The following NMT2 variants were observed in gnomAD, a reference collection of about 807,000 sequenced individuals.
NMT2 encodes the protein N-myristoyltransferase 2, also known as glycylpeptide N-tetradecanoyltransferase 2.
NMT2 carries 35 observed loss-of-function variants against 65.4 expected under a neutral mutation model. The ratio of observed to expected loss-of-function variants is 0.54; its 90% CI spans 0.41 to 0.71. The LOEUF (loss-of-function observed/expected upper bound fraction) is 0.71, where lower values mean the gene tolerates loss of function less well. Among genes scored for constraint, NMT2 ranks in the 30% least tolerant of loss-of-function variants. The pLI is 0.00. For missense variants in NMT2, 489 were observed against 611.3 expected (o/e 0.80, Z 2.11); for synonymous variants, 226 against 231.8 (o/e 0.98, Z 0.23).
chr10:15,149,017 C>G (rs1294033966), intron 1 of NMT2, among the ~76,000 whole-genome samples: 1 of 152,086 alleles, frequency 6.6e-6, no homozygotes, highest in Non-Finnish European at 1.5e-5. Flanking sequence ...CTGAAACAAC[C>G]ACTTTGTAAA....
chr10:15,133,404 G>T, intron 3 of NMT2, 41 bp from the exon 4 acceptor site: 1 of 1,454,206 alleles, frequency 6.9e-7, no homozygotes, highest in Non-Finnish European at 9.7e-7. Flanking sequence ...GGCAAAAAGC[G>T]AGAATATTAA....
At chr10:15,168,464 C>A in intron 1 of NMT2, 39 bp downstream of exon 1, 1 of 1,501,880 alleles carries the variant, frequency 6.7e-7, no homozygotes, top group Non-Finnish European at 9.1e-7. Flanking sequence ...GCGCGGTCCC[C>A]GCCCTGTCGC....
chr10:15,165,000 T>C (rs973676661), intron 1 of NMT2, among the ~76,000 whole-genome samples: 3 of 151,996 alleles, frequency 2.0e-5, no homozygotes, highest in Non-Finnish European at 2.9e-5. Flanking sequence ...CCTGTCTCTA[T>C]TAAAAATACA....
chr10:15,154,932 C>T lies in NMT2; in HGVS notation c.111-13375G>A, dbSNP rs546341278. On this transcript the variant is annotated intron_variant, in intron 1 of 11. Transcript: ENST00000378165. Reference sequence around the variant, plus strand: ...AGAGACCACATGCTTGCCATCCAACCACTCGGTCTTGGCAGTGCAGATGAA... The same window carrying T: ...AGAGACCACATGCTTGCCATCCAACTACTCGGTCTTGGCAGTGCAGATGAA... The T allele has an allele frequency of 4.9e-6, 5 of 1,013,174 alleles. No individual in the cohort carries two copies. The South Asian group carries it at 5.0e-5, about 10-fold the overall frequency. 62.8% of individuals were successfully genotyped at this position (1,013,174 alleles called of 1,614,324 possible).
At chr10:15,114,810 C>T (rs367598469) in intron 9 of NMT2, among the ~76,000 whole-genome samples, 39 of 152,260 alleles carry the variant, frequency 2.6e-4, no homozygotes, top group African/African-American at 9.4e-4. Flanking sequence ...CGAGACCAGC[C>T]TGGCCAACGT....
In NMT2 at chr10:15,108,332, A is replaced by G. The variant is rs1044495833; in HGVS notation, c.*863T>C. The G allele has an allele frequency of 2.7e-5, 13 of 474,826 alleles. No homozygotes were observed. Among genetic ancestry groups the G allele is most frequent in the South Asian group, 9.0e-5 (1 of 11,136 alleles). The allele number at this position is 474,826 out of a possible 1,614,324, so 29.4% of individuals were successfully genotyped here. On this transcript the variant is annotated 3_prime_UTR_variant, in exon 12 of 12. Coordinates refer to ENST00000378165, the MANE Select transcript of NMT2 (RefSeq NM_004808.3). Reference sequence around the variant, plus strand: ...CTCCCAAGCAGCTGGGACTACAGGCACACGCCACCACGCCCGGCTAATTTT... The same window carrying G: ...CTCCCAAGCAGCTGGGACTACAGGCGCACGCCACCACGCCCGGCTAATTTT...
chr10:15,112,354 G>A (rs1381586827), intron 10 of NMT2, among the ~76,000 whole-genome samples: 18 of 144,766 alleles, frequency 1.2e-4, no homozygotes, highest in Non-Finnish European at 2.1e-4. Context: ...TCAGCCTCCC[G>A]AGTAGCTGGG....
intron 1 of NMT2, among the ~76,000 whole-genome samples, chr10:15,149,604 T>TCACCAA (rs1832732323): frequency 6.9e-6 from 1 of 144,136 alleles, no homozygotes; most frequent in Non-Finnish European, 1.5e-5. Flanking sequence ...ACCATCACCA[T>TCACCAA]CATAATCATC....
intron 6 of NMT2, among the ~76,000 whole-genome samples, chr10:15,131,796 G>A (rs1846295185): frequency 6.6e-6 from 1 of 152,090 alleles, no homozygotes; most frequent in Admixed American, 6.5e-5. Flanking sequence ...GACTTTCCGG[G>A]CTGGAGATCC....
intron 1 of NMT2, among the ~76,000 whole-genome samples, chr10:15,160,534 G>A (rs11259522): frequency 0.03 from 4,537 of 152,218 alleles, 99 homozygotes; most frequent in Non-Finnish European, 0.044. Flanking sequence ...CAGCACTTTG[G>A]GAGGCTGAGG....
At position 15,131,287 on chromosome 10, in the gene NMT2, A is replaced by G. The variant is rs190968260; in HGVS notation, c.720-975T>C. 2.7e-3 allele frequency among the ~76,000 whole-genome samples: 406 copies of G among 150,420 alleles called. 1 individual carries two copies. The highest frequency in any genetic ancestry group is 8.2e-3 in the African/African-American group (337 of 41,100). ...ACGTTTTCAGTTTAGAAAATGGATC[A>G]GCTATGGCTCTTTACGTTTCTTTCC... On this transcript the variant is annotated intron_variant, in intron 6 of 11. Transcript: ENST00000378165.
chr10:15,111,344 C>G lies in NMT2; in HGVS notation c.1338+1452G>C, dbSNP rs1845508015. ...GGGTCAATATGATGAAACCCTGTCT[C>G]TACTAAAAATACAAAAATTAGCCAG... On this transcript the variant is annotated intron_variant, in intron 10 of 11. Transcript: ENST00000378165. 2.6e-5 allele frequency among the ~76,000 whole-genome samples: 4 copies of G among 151,258 alleles called. No individual in the cohort carries two copies. The South Asian group carries it at 8.4e-4, about 32-fold the overall frequency.
At chr10:15,143,171 T>C (rs533342733) in intron 1 of NMT2, among the ~76,000 whole-genome samples, 16 of 152,302 alleles carry the variant, frequency 1.1e-4, no homozygotes, top group African/African-American at 2.9e-4. Flanking sequence ...AAAGCTACCA[T>C]TGTTTCAACC....
intron 1 of NMT2, among the ~76,000 whole-genome samples, chr10:15,146,210 G>A (rs1470485548): frequency 6.6e-6 from 1 of 152,194 alleles, no homozygotes; most frequent in African/African-American, 2.4e-5. Context: ...GAGAGAATCA[G>A]TGGCACATTC....
intron 2 of NMT2, chr10:15,141,023 T>C: frequency 6.4e-7 from 1 of 1,550,842 alleles, no homozygotes; most frequent in Non-Finnish European, 8.7e-7. Context: ...TGCCAGATGG[T>C]GTTGTGCTAT....
rs768580307 is a variant in NMT2, at chr10:15,112,874, G to A, written c.1260C>T (p.Ala420=). Residue 420 remains alanine, a synonymous_variant, in exon 10 of 12, where the codon GCC becomes GCT. Coordinates refer to ENST00000378165, the MANE Select transcript of NMT2 (RefSeq NM_004808.3). ...MHHPAHKSLK[A]AYSFYNIHTE... is the part of the protein sequence containing the mutation. ...TGTGGATGTTGTAGAATGAGTAGGC[G>A]GCTTTGAGGCTCTTGTGAGCAGGGT... 1.2e-5 allele frequency: 20 copies of A among 1,613,964 alleles called. No homozygotes were observed. Among genetic ancestry groups the A allele is most frequent in the Admixed American group, 6.7e-5 (4 of 59,988 alleles).
At chr10:15,150,828 A>C (rs11259519) in intron 1 of NMT2, among the ~76,000 whole-genome samples, 9,609 of 152,226 alleles carry the variant, frequency 0.063, 469 homozygotes, top group African/African-American at 0.15. Flanking sequence ...ACAATGGCTG[A>C]ACAATACGCC....
chr10:15,129,355 ACT>A (rs1846197141), intron 7 of NMT2, among the ~76,000 whole-genome samples: 1 of 152,124 alleles, frequency 6.6e-6, no homozygotes, highest in African/African-American at 2.4e-5. Flanking sequence ...GGGGAGATAA[ACT>A]CTGATGTTTT....
At chr10:15,152,974 G>T (rs1215057695) in intron 1 of NMT2, among the ~76,000 whole-genome samples, 3 of 152,202 alleles carry the variant, frequency 2.0e-5, no homozygotes, top group African/African-American at 7.2e-5. Context: ...ATAGGGGATG[G>T]ATTGAAGAGG....
Sources: allele counts gnomAD v4.1 joint callset (sites outside exome capture counted in the v4.1 genomes callset), GRCh38; gene constraint gnomAD v4.1.1; transcripts MANE v1.5; gene names NCBI Gene and HGNC (gene_info 2026-07-23, HGNC 2026-07-21).